The following CRYAB variants were observed in gnomAD, a reference collection of about 807,000 sequenced individuals.
CRYAB encodes the protein alpha-crystallin B chain.
CRYAB carries 9 observed loss-of-function variants against 12.7 expected under a neutral mutation model. The ratio of observed to expected loss-of-function variants is 0.71; its 90% CI spans 0.43 to 1.24. CRYAB has a LOEUF of 1.24. CRYAB is among the 50% of genes most tolerant of loss of function. CRYAB has a pLI of 0.00. For missense variants in CRYAB, 183 were observed against 226.6 expected, an observed-to-expected ratio of 0.81 and a Z score of 1.24; for synonymous variants, 93 against 86.8, an observed-to-expected ratio of 1.07 and a Z score of -0.40.
At chr11:111,911,884 G>A (rs1387553157), upstream of CRYAB, 4 of 626,548 alleles carry the variant, frequency 6.4e-6, no homozygotes, top group East Asian at 5.5e-5. Flanking sequence ...CTTGTGATCC[G>A]GGATTTGGCA....
chr11:111,913,223 C>T (rs1965528280), upstream of CRYAB: 2 of 605,904 alleles, frequency 3.3e-6, no homozygotes, highest in Admixed American at 3.0e-5. Context: ...TCCCCCTCCT[C>T]CTCCTTCTCC....
In CRYAB at chr11:111,908,619, G is replaced by C; in HGVS notation, c.*145C>G. On this transcript the variant is annotated 3_prime_UTR_variant, in exon 3 of 3. Coordinates refer to ENST00000650687, the MANE Select transcript of CRYAB (RefSeq NM_001289808.2). ...GTGTGGAATATTCAAACACAAGACA[G>C]TTATCTGTTGCTGAATGATATTTTA... The C allele has an allele frequency of 1.4e-6, 1 of 716,820 alleles. No individual in the cohort carries two copies. The highest frequency in any genetic ancestry group is 2.2e-5 in the Admixed American group (1 of 45,878). 44.4% of individuals were successfully genotyped at this position (716,820 alleles called of 1,614,324 possible).
upstream of CRYAB, chr11:111,912,450 A>G: frequency 3.5e-6 from 1 of 288,786 alleles, no homozygotes; most frequent in Non-Finnish European, 6.6e-6. Context: ...ACCGAAGAGG[A>G]GAAAATGAGG....
rs587607260 is a variant in CRYAB at position 111,922,577 on chromosome 11, C to T, written c.-199+1126G>A. On this transcript the variant is annotated intron_variant, in intron 1 of 3. Coordinates refer to the CRYAB transcript ENST00000527950. ...TGCACAGTTTTTATTCCAAAACATA[C>T]CTTTTTACTAACTTAATAAAAAGTA... Among the ~76,000 whole-genome samples, 86 of 152,232 alleles carry T rather than the reference C, an allele frequency of 5.6e-4. 1 individual carries two copies. In the South Asian group the frequency reaches 0.018, roughly 32 times the overall value.
At chr11:111,910,606 C>G (rs1965423115) in intron 1 of CRYAB, 157 bp from the exon 2 acceptor site, 1 of 942,212 alleles carries the variant, frequency 1.1e-6, no homozygotes, top group Non-Finnish European at 1.6e-6. Flanking sequence ...ACATAGCTGT[C>G]TGCTTCAGGG....
At chr11:111,911,263 A>G (rs1210163584) in intron 1 of CRYAB, among the ~76,000 whole-genome samples, 1 of 152,184 alleles carries the variant, frequency 6.6e-6, no homozygotes, top group African/African-American at 2.4e-5. Context: ...CCAAACCAGA[A>G]AGGGGTATCC....
intron 1 of CRYAB, among the ~76,000 whole-genome samples, chr11:111,922,374 T>C (rs148645659): frequency 1.9e-4 from 29 of 152,364 alleles, no homozygotes; most frequent in African/African-American, 6.0e-4. Flanking sequence ...ATTATGGCAA[T>C]TGAAGATATT....
chr11:111,915,395 A>G (rs941510682), upstream of CRYAB, among the ~76,000 whole-genome samples: 22 of 152,244 alleles, frequency 1.4e-4, no homozygotes, highest in Non-Finnish European at 1.5e-4. Flanking sequence ...TCATTCATTC[A>G]GTAAATATTT....
chr11:111,915,022 A>C (rs1160590462), upstream of CRYAB, among the ~76,000 whole-genome samples: 1 of 152,140 alleles, frequency 6.6e-6, no homozygotes, highest in Non-Finnish European at 1.5e-5. Flanking sequence ...GTGAGCTGAG[A>C]TTGCGCCACT....
chr11:111,909,281 T>A (rs1965377708), intron 2 of CRYAB: 1 of 474,430 alleles, frequency 2.1e-6, no homozygotes, highest in African/African-American at 2.0e-5. Flanking sequence ...GAATTTGGAA[T>A]CTCATTTAGA....
upstream of CRYAB, chr11:111,912,998 G>C: frequency 9.0e-7 from 1 of 1,113,916 alleles, no homozygotes; most frequent in South Asian, 1.4e-5. Flanking sequence ...CAACGTTGCT[G>C]GCCTCCACCC....
At chr11:111,919,698 G>T (rs978086639) in intron 1 of CRYAB, among the ~76,000 whole-genome samples, 3 of 152,102 alleles carry the variant, frequency 2.0e-5, no homozygotes, top group African/African-American at 7.2e-5. Context: ...GAGGTAAATG[G>T]TTTTGCCCCT....
chr11:111,913,126 G>A, upstream of CRYAB: 1 of 611,376 alleles, frequency 1.6e-6, no homozygotes, highest in Non-Finnish European at 3.0e-6. Context: ...CTTGGTGCTT[G>A]CAGTGCTGAT....
At chr11:111,911,806 C>T (rs1264750622), upstream of CRYAB, 9 of 910,960 alleles carry the variant, frequency 9.9e-6, no homozygotes, top group Admixed American at 1.7e-4. Context: ...TATATGCAGT[C>T]TTGTGAAGCT....
upstream of CRYAB, chr11:111,913,250 C>A: frequency 1.6e-6 from 1 of 620,698 alleles, no homozygotes; most frequent in South Asian, 1.9e-5. Flanking sequence ...TCCTCCCTTT[C>A]CTTTCCGTTC....
At chr11:111,910,192 G>T in intron 2 of CRYAB, 135 bp downstream of exon 2, 1 of 1,077,916 alleles carries the variant, frequency 9.3e-7, no homozygotes, top group Non-Finnish European at 1.4e-6. Context: ...TCTAGACATT[G>T]ATTTGTAACC....
upstream of CRYAB, among the ~76,000 whole-genome samples, chr11:111,915,057 G>T (rs587626869): frequency 8.1e-4 from 123 of 152,226 alleles, no homozygotes; most frequent in African/African-American, 2.9e-3. Context: ...GTGACAGAGT[G>T]AGACCCTGCC....
At chr11:111,919,567 C>T (rs1965655759) in intron 1 of CRYAB, among the ~76,000 whole-genome samples, 1 of 152,136 alleles carries the variant, frequency 6.6e-6, no homozygotes, top group Non-Finnish European at 1.5e-5. Flanking sequence ...TTTTCTGTGC[C>T]CTCTTCCTCC....
At position 111,908,698 on chromosome 11, in the gene CRYAB, A is replaced by G; in HGVS notation, c.*66T>C. ...GCATTAATAAGCTTCAGCACTAGTC[A>G]CAAGACTTTCATTCACTGGTGGGGA... On this transcript the variant is annotated 3_prime_UTR_variant, in exon 3 of 3. Coordinates refer to ENST00000650687, the MANE Select transcript of CRYAB (RefSeq NM_001289808.2). 6.5e-7 allele frequency: 1 copy of G among 1,535,406 alleles called. No homozygotes were observed. Among genetic ancestry groups the G allele is most frequent in the Non-Finnish European group, 9.0e-7 (1 of 1,111,202 alleles).
Sources: allele counts gnomAD v4.1 joint callset (sites outside exome capture counted in the v4.1 genomes callset), GRCh38; gene constraint gnomAD v4.1.1; transcripts MANE v1.5; gene names NCBI Gene and HGNC (gene_info 2026-07-23, HGNC 2026-07-21).